The following ADAD1 variants were observed in gnomAD, a reference collection of about 807,000 sequenced individuals.
ADAD1 encodes adenosine deaminase domain containing 1, also known as adenosine deaminase domain-containing protein 1.
ADAD1 carries 46 observed loss-of-function variants against 66.8 expected under a neutral mutation model. The observed-to-expected ratio is 0.69, with a 90% CI of 0.54 to 0.88. The LOEUF is 0.88. ADAD1 is among the 40% of genes least tolerant of loss of function. The probability of loss-of-function intolerance (pLI) is 0.00; values close to 1 mark genes in which losing one functional copy is unlikely to be tolerated. For synonymous variants in ADAD1, 248 were observed against 229.4 expected, an observed-to-expected ratio of 1.08 and a Z score of -0.73; for missense variants, 617 against 681.8, an observed-to-expected ratio of 0.91 and a Z score of 1.06.
intron 7 of ADAD1, among the ~76,000 whole-genome samples, chr4:122,396,683 T>C (rs1795733381): frequency 6.6e-6 from 1 of 152,230 alleles, no homozygotes; most frequent in Admixed American, 6.5e-5. Context: ...CATTTTCAAG[T>C]AAGAAAAGAT....
At chr4:122,401,583 G>T (rs1234225785) in intron 7 of ADAD1, among the ~76,000 whole-genome samples, 1 of 152,072 alleles carries the variant, frequency 6.6e-6, no homozygotes, top group Admixed American at 6.6e-5. Context: ...GTGTAGTGTT[G>T]TTAGTGGAGT....
intron 9 of ADAD1, 27 bp from the exon 10 acceptor site, chr4:122,412,553 G>A: frequency 6.3e-7 from 1 of 1,599,810 alleles, no homozygotes; most frequent in Non-Finnish European, 8.5e-7. Context: ...GTTTTTTAAA[G>A]GAAGAAACTT....
chr4:122,394,210 C>CA (rs1223582326), intron 6 of ADAD1, among the ~76,000 whole-genome samples: 8 of 152,148 alleles, frequency 5.3e-5, no homozygotes, highest in Admixed American at 1.3e-4. Context: ...TTCTTAACAT[C>CA]AGTGCCTAAC....
chr4:122,387,202 C>CT (rs1795212865), intron 5 of ADAD1, among the ~76,000 whole-genome samples: 1 of 152,106 alleles, frequency 6.6e-6, no homozygotes, highest in Non-Finnish European at 1.5e-5. Flanking sequence ...TTTGTGTCCT[C>CT]TGTTATTTCC....
At chr4:122,421,061 T>C (rs1362966253) in intron 11 of ADAD1, among the ~76,000 whole-genome samples, 200 bp from the exon 12 acceptor site, 1 of 152,132 alleles carries the variant, frequency 6.6e-6, no homozygotes, top group Non-Finnish European at 1.5e-5. Context: ...GATGCAATAC[T>C]AAATAATTTA....
At chr4:122,419,553 C>G (rs1261859527) in intron 11 of ADAD1, among the ~76,000 whole-genome samples, 1 of 152,142 alleles carries the variant, frequency 6.6e-6, no homozygotes, top group Non-Finnish European at 1.5e-5. Context: ...AATTGCTGCT[C>G]CTCCTCTCCA....
At chr4:122,420,056 A>G (rs1323379332) in intron 11 of ADAD1, among the ~76,000 whole-genome samples, 1 of 152,192 alleles carries the variant, frequency 6.6e-6, no homozygotes, top group Non-Finnish European at 1.5e-5. Flanking sequence ...AGAGAGAGAA[A>G]ATATTGGAAA....
intron 2 of ADAD1, 108 bp from the exon 3 acceptor site, chr4:122,379,954 G>T: frequency 8.9e-7 from 1 of 1,120,202 alleles, no homozygotes; most frequent in Non-Finnish European, 1.3e-6. Flanking sequence ...ATCTGAATAT[G>T]TGCCAAGGCC....
At position 122,403,316 on chromosome 4, in the gene ADAD1, G is replaced by A. The variant is rs116487384; in HGVS notation, c.725-4592G>A. 5.3e-3 allele frequency among the ~76,000 whole-genome samples: 803 copies of A among 152,234 alleles called. 3 individuals carry two copies. The highest frequency in any genetic ancestry group is 0.018 in the African/African-American group (760 of 41,542). On this transcript the variant is annotated intron_variant, in intron 7 of 12. Coordinates refer to ENST00000296513, the MANE Select transcript of ADAD1 (RefSeq NM_139243.4). ...GGGCTCCAGGCTGGTGCTGGAGAAC[G>A]TCTGCAAAGAGTCCTGTGATGTGAT...
At chr4:122,393,161 G>A (rs779884889) in intron 5 of ADAD1, among the ~76,000 whole-genome samples, 22 of 151,382 alleles carry the variant, frequency 1.5e-4, no homozygotes, top group Admixed American at 4.6e-4. Context: ...TGAAAACTGC[G>A]AATGTAGCAT....
At chr4:122,388,018 C>A (rs1383827004) in intron 5 of ADAD1, among the ~76,000 whole-genome samples, 1 of 152,110 alleles carries the variant, frequency 6.6e-6, no homozygotes, top group Non-Finnish European at 1.5e-5. Flanking sequence ...CTTGGCCTAC[C>A]AGAGTGCTGG....
chr4:122,384,232 T>C (rs1795049712), intron 5 of ADAD1, among the ~76,000 whole-genome samples: 1 of 152,246 alleles, frequency 6.6e-6, no homozygotes, highest in African/African-American at 2.4e-5. Flanking sequence ...TCCTAAAATA[T>C]AGTTTTCTTT....
intron 7 of ADAD1, among the ~76,000 whole-genome samples, chr4:122,400,854 G>A (rs75261696): frequency 0.016 from 2,503 of 151,764 alleles, 68 homozygotes; most frequent in African/African-American, 0.057. Flanking sequence ...CTCCTGTCTT[G>A]TTTCTAGTTG....
chr4:122,397,656 T>C (rs1003295463), intron 7 of ADAD1, among the ~76,000 whole-genome samples: 6 of 152,146 alleles, frequency 3.9e-5, no homozygotes, highest in Non-Finnish European at 8.8e-5. Context: ...ACATTAGAGT[T>C]GAGGTGGACA....
chr4:122,417,206 G>C (rs1796777876), intron 11 of ADAD1, among the ~76,000 whole-genome samples: 1 of 151,740 alleles, frequency 6.6e-6, no homozygotes, highest in African/African-American at 2.4e-5. Context: ...CATGGTGGCA[G>C]GTTCCTGTAA....
At chr4:122,393,536 C>T (rs1795553767) in intron 5 of ADAD1, 53 bp from the exon 6 acceptor site, 2 of 1,462,158 alleles carry the variant, frequency 1.4e-6, no homozygotes, top group South Asian at 2.7e-5. Context: ...GAAATACCAG[C>T]TCTTTGGAAT....
chr4:122,425,421 C>G (rs1323651916), intron 12 of ADAD1, among the ~76,000 whole-genome samples: 1 of 151,864 alleles, frequency 6.6e-6, no homozygotes, highest in Non-Finnish European at 1.5e-5. Context: ...TAACTTGCCT[C>G]TGAATAACTC....
Position 122,386,330 on chromosome 4 carries a change from C to T in ADAD1, c.529+2364C>T, listed in dbSNP as rs548958219. 7.1e-4 allele frequency among the ~76,000 whole-genome samples: 108 copies of T among 152,168 alleles called. 1 individual carries two copies. Among genetic ancestry groups the T allele is most frequent in the African/African-American group, 2.1e-3 (89 of 41,526 alleles). On this transcript the variant is annotated intron_variant, in intron 5 of 12. Coordinates refer to ENST00000296513, the MANE Select transcript of ADAD1 (RefSeq NM_139243.4). ...TTGCTTTTTTCATATGTTTGTTGGC[C>T]GCATAAATGTCTTCTTTTGAGAAGT...
intron 12 of ADAD1, among the ~76,000 whole-genome samples, chr4:122,427,757 A>G (rs1349372554): frequency 6.6e-6 from 1 of 151,830 alleles, no homozygotes; most frequent in African/African-American, 2.4e-5. Context: ...GCAGGTCTCG[A>G]ACTTCTGACC....
Sources: allele counts gnomAD v4.1 joint callset (sites outside exome capture counted in the v4.1 genomes callset), GRCh38; gene constraint gnomAD v4.1.1; transcripts MANE v1.5; gene names NCBI Gene and HGNC (gene_info 2026-07-23, HGNC 2026-07-21).